CACNA2D1: variants seen among roughly 807,000 people sequenced by gnomAD.
CACNA2D1 encodes the protein calcium voltage-gated channel auxiliary subunit alpha2delta 1.
Under a neutral mutation model 171.5 loss-of-function variants are expected in CACNA2D1, and 53 were observed. The observed-to-expected ratio is 0.31, with a 90% CI of 0.25 to 0.39. The LOEUF is 0.39. CACNA2D1 is among the 10% of genes least tolerant of loss of function. The pLI, the probability that CACNA2D1 is intolerant of heterozygous loss-of-function variation, is 1.00. For synonymous variants in CACNA2D1, 442 were observed against 443.1 expected (o/e 1.00, Z 0.03); for missense variants, 903 against 1,299.8 (o/e 0.69, Z 4.69).
chr7:81,957,924 C>T (rs527386995), intron 38 of CACNA2D1, among the ~76,000 whole-genome samples: 19 of 152,078 alleles, frequency 1.2e-4, no homozygotes, highest in Admixed American at 1.2e-3. Flanking sequence ...TTTAATATTT[C>T]TAGTGTCAAA....
At chr7:82,010,097 T>C (rs1253462395) in intron 15 of CACNA2D1, among the ~76,000 whole-genome samples, 2 of 152,114 alleles carry the variant, frequency 1.3e-5, no homozygotes, top group Non-Finnish European at 2.9e-5. Context: ...AGCTAAAATG[T>C]CTCCATTTTC....
intron 1 of CACNA2D1, among the ~76,000 whole-genome samples, chr7:82,350,299 T>G (rs775120087): frequency 1.3e-5 from 2 of 152,180 alleles, no homozygotes; most frequent in Non-Finnish European, 2.9e-5. Flanking sequence ...AAAGAGAAAT[T>G]TAAGATATCA....
At chr7:82,173,477 G>A (rs1032363391) in intron 3 of CACNA2D1, among the ~76,000 whole-genome samples, 2 of 151,930 alleles carry the variant, frequency 1.3e-5, no homozygotes, top group African/African-American at 2.4e-5. Flanking sequence ...CTCTACTCCT[G>A]TTAATTTCTT....
At chr7:82,086,967 T>G (rs1810552688) in intron 6 of CACNA2D1, among the ~76,000 whole-genome samples, 1 of 152,136 alleles carries the variant, frequency 6.6e-6, no homozygotes, top group South Asian at 2.1e-4. Flanking sequence ...GTTGATGCTT[T>G]GAAAATTTTC....
chr7:82,330,915 T>A (rs42236), intron 3 of CACNA2D1, among the ~76,000 whole-genome samples: 2 of 151,890 alleles, frequency 1.3e-5, no homozygotes, highest in Non-Finnish European at 2.9e-5. Flanking sequence ...TTTCACATTC[T>A]TGCTGCTCAA....
rs528289585 is a variant in CACNA2D1, at chr7:81,956,074, A to G, written c.3159+3201T>C. The stretch of plus-strand genomic sequence containing the variant: ...ACAATCTCAGCTTACTGCAACTTCC[A>G]CCTCCTAGGCTCAAGCAATTCTCCT... On this transcript the variant is annotated intron_variant, in intron 38 of 38. Transcript: ENST00000356860. Among the ~76,000 whole-genome samples, 4 of 136,704 alleles carry G rather than the reference A, an allele frequency of 2.9e-5. No individual in the cohort carries two copies. In the East Asian group the frequency reaches 6.7e-4, roughly 23 times the overall value. 89.7% of individuals were successfully genotyped at this position (136,704 alleles called of 152,430 possible).
intron 1 of CACNA2D1, among the ~76,000 whole-genome samples, chr7:82,386,202 A>G (rs1824342274): frequency 1.3e-5 from 2 of 152,162 alleles, no homozygotes. Flanking sequence ...AACTGCATTC[A>G]GCAAGGGGAA....
chr7:82,161,243 C>T (rs1447280750), intron 4 of CACNA2D1, among the ~76,000 whole-genome samples: 1 of 151,938 alleles, frequency 6.6e-6, no homozygotes, highest in East Asian at 1.9e-4. Flanking sequence ...TTTATGGCTT[C>T]AGGAAAGAAA....
At chr7:82,115,957 C>G (rs895845336) in intron 6 of CACNA2D1, among the ~76,000 whole-genome samples, 1 of 152,110 alleles carries the variant, frequency 6.6e-6, no homozygotes, top group Non-Finnish European at 1.5e-5. Context: ...AAAATGCCTA[C>G]TCAGAAATTT....
chr7:82,286,199 C>T (rs1810744333), intron 3 of CACNA2D1, among the ~76,000 whole-genome samples: 1 of 152,036 alleles, frequency 6.6e-6, no homozygotes, highest in Non-Finnish European at 1.5e-5. Context: ...ATCACCTAGA[C>T]AGCAACATAA....
At chr7:82,363,691 G>A (rs1821356862) in intron 1 of CACNA2D1, among the ~76,000 whole-genome samples, 1 of 106,316 alleles carries the variant, frequency 9.4e-6, no homozygotes, top group South Asian at 3.3e-4. Flanking sequence ...AACTAAGGGC[G>A]AAATAAGTAG....
At chr7:81,996,965 G>A (rs566894316) in intron 19 of CACNA2D1, among the ~76,000 whole-genome samples, 5 of 152,120 alleles carry the variant, frequency 3.3e-5, no homozygotes, top group African/African-American at 4.8e-5. Flanking sequence ...GACTAAGGTC[G>A]AACCCAACTT....
chr7:82,234,368 C>T (rs958324497), intron 3 of CACNA2D1, among the ~76,000 whole-genome samples: 2 of 151,890 alleles, frequency 1.3e-5, no homozygotes, highest in Admixed American at 6.6e-5. Context: ...TTTTTTACTA[C>T]CTTACCCATA....
intron 1 of CACNA2D1, among the ~76,000 whole-genome samples, chr7:82,375,916 T>C (rs976849229): frequency 1.3e-5 from 2 of 152,116 alleles, no homozygotes; most frequent in African/African-American, 4.8e-5. Flanking sequence ...TGAAAACACA[T>C]TGGCTGTCCA....
chr7:82,066,434 T>A lies in CACNA2D1; in HGVS notation c.728+21A>T, dbSNP rs758590049. The A allele has an allele frequency of 2.8e-5, 45 of 1,610,760 alleles. No homozygotes were observed. In the South Asian group the frequency reaches 4.7e-4, roughly 17 times the overall value. The stretch of plus-strand genomic sequence containing the variant: ...TCTTCTTGCCTATTTTATCTTTTCA[T>A]GGCTAGCTAAAAATTCTTACCATGG... On this transcript the variant is annotated intron_variant, in intron 8 of 38. Coordinates refer to ENST00000356860, the MANE Select transcript of CACNA2D1 (RefSeq NM_000722.4).
chr7:82,231,700 C>T lies in CACNA2D1; in HGVS notation c.295-61091G>A, dbSNP rs530942975. Among the ~76,000 whole-genome samples, 19 of 152,158 alleles carry T rather than the reference C, an allele frequency of 1.2e-4. 1 individual carries two copies. In the South Asian group the frequency reaches 3.9e-3, roughly 32 times the overall value. On this transcript the variant is annotated intron_variant, in intron 3 of 38. Coordinates refer to ENST00000356860, the MANE Select transcript of CACNA2D1 (RefSeq NM_000722.4). ...CACTTTCCCTCTTCACCTCACCCAT[C>T]CCATATGGAAAGAACAAAATCATAA...
intron 2 of CACNA2D1, among the ~76,000 whole-genome samples, chr7:82,345,512 T>G (rs748350420): frequency 4.4e-4 from 67 of 152,308 alleles, no homozygotes; most frequent in Non-Finnish European, 8.2e-4. Context: ...AGAAGAAAGC[T>G]TCATAACAAC....
intron 3 of CACNA2D1, among the ~76,000 whole-genome samples, chr7:82,205,578 CACAT>C (rs1288218297): frequency 6.6e-6 from 1 of 152,120 alleles, no homozygotes. Context: ...TACACACACA[CACAT>C]ATTTGCTATA....
intron 2 of CACNA2D1, among the ~76,000 whole-genome samples, chr7:82,347,246 A>C (rs1819354858): frequency 2.6e-5 from 4 of 152,110 alleles, no homozygotes. Flanking sequence ...CAATAAAGCA[A>C]TTTTCACTAA....
Sources: gnomAD v4.1 joint callset for allele counts (sites outside exome capture counted in the v4.1 genomes callset) on GRCh38, gnomAD v4.1.1 for gene constraint, MANE v1.5 for transcripts, NCBI Gene and HGNC (gene_info 2026-07-23, HGNC 2026-07-21) for gene names.